Variants in ADCY9 observed in about 807,000 individuals in gnomAD.
ADCY9 encodes the protein adenylate cyclase type 9.
ADCY9 carries 50 observed loss-of-function variants against 101.5 expected under a neutral mutation model. The ratio of observed to expected loss-of-function variants is 0.49; its 90% CI spans 0.39 to 0.62. ADCY9 has a LOEUF of 0.62. Ranked by LOEUF, ADCY9 falls within the 20% of genes least tolerant of loss-of-function variation. The pLI is 0.00. For missense variants in ADCY9, 1,662 were observed against 1,800.4 expected (o/e 0.92, Z 1.39); for synonymous variants, 905 against 769.3 (o/e 1.18, Z -2.92).
rs575327032 is a variant in ADCY9, at chr16:4,052,172, T to C, written c.1694-44614A>G. On this transcript the variant is annotated intron_variant, in intron 2 of 10. Transcript: ENST00000294016. Reference sequence around the variant, plus strand: ...ACCGAGGGACATTCTACAAAGTAACTGGCCTGTTCTCTTAAAAAAATGTCA... The same window carrying C: ...ACCGAGGGACATTCTACAAAGTAACCGGCCTGTTCTCTTAAAAAAATGTCA... Among the ~76,000 whole-genome samples the C allele has an allele frequency of 2.0e-5, 3 of 152,264 alleles. No homozygotes were observed. In the South Asian group the frequency reaches 6.2e-4, roughly 32 times the overall value.
chr16:4,115,508 T>G lies in ADCY9; in HGVS notation c.-43-23A>C. The G allele has an allele frequency of 6.8e-7, 1 of 1,460,646 alleles. No homozygotes were observed. The highest frequency in any genetic ancestry group is 9.0e-7 in the Non-Finnish European group (1 of 1,107,946). 90.5% of individuals were successfully genotyped at this position (1,460,646 alleles called of 1,614,324 possible). ...TACCTGCCAGCAAAACGGGGAGAGTTAGCGGCGCTCCCACCTAGGCATGCA... is the reference window on the plus strand; with the variant it reads ...TACCTGCCAGCAAAACGGGGAGAGTGAGCGGCGCTCCCACCTAGGCATGCA... On this transcript the variant is annotated intron_variant, in intron 1 of 10. Transcript: ENST00000294016. This position sits in a 1 kb window ranked among gnomAD's most constrained non-coding sequence, Gnocchi z 6.2.
At chr16:4,096,364 A>C (rs555878320) in intron 2 of ADCY9, among the ~76,000 whole-genome samples, 1 of 152,368 alleles carries the variant, frequency 6.6e-6, no homozygotes, top group South Asian at 2.1e-4. Flanking sequence ...ACCAATATGA[A>C]AAAAGCAGAA....
intron 2 of ADCY9, among the ~76,000 whole-genome samples, chr16:4,076,534 C>T (rs2056868300): frequency 6.6e-6 from 1 of 152,206 alleles, no homozygotes; most frequent in Non-Finnish European, 1.5e-5. Context: ...GCTCTCACCT[C>T]TAAGGTCTAA....
At chr16:3,968,110 T>C (rs542595038) in intron 10 of ADCY9, among the ~76,000 whole-genome samples, 1 of 152,294 alleles carries the variant, frequency 6.6e-6, no homozygotes. Context: ...ATCATCATCA[T>C]ACCCAAGAAA....
rs1010351972 is a variant in ADCY9, at chr16:4,115,571, C to T, written c.-43-86G>A. ...CGGGACCTGCTCCTGTCCTAAGGGG[C>T]GGCTCCAGCACGCGACCTGGACAGG... On this transcript the variant is annotated intron_variant, in intron 1 of 10. Coordinates refer to ENST00000294016, the MANE Select transcript of ADCY9 (RefSeq NM_001116.4). The surrounding 1 kb of genome is among the most constrained non-coding windows in gnomAD (Gnocchi z 6.2). 8.4e-6 allele frequency: 10 copies of T among 1,195,834 alleles called. No homozygotes were observed. In the Admixed American group the frequency reaches 2.6e-4, roughly 31 times the overall value. 74.1% of individuals were successfully genotyped at this position (1,195,834 alleles called of 1,614,324 possible).
chr16:4,086,229 G>A lies in ADCY9; in HGVS notation c.1693+27521C>T, dbSNP rs1431631017. Reference sequence around the variant, plus strand: ...GGGAGGTCACATCTATCGAGGGGGAGGAGGGCAACACAGGAGGAGAAGAGA... The same window carrying A: ...GGGAGGTCACATCTATCGAGGGGGAAGAGGGCAACACAGGAGGAGAAGAGA... On this transcript the variant is annotated intron_variant, in intron 2 of 10. Coordinates refer to ENST00000294016, the MANE Select transcript of ADCY9 (RefSeq NM_001116.4). Among the ~76,000 whole-genome samples the A allele has an allele frequency of 2.6e-5, 4 of 152,060 alleles. No homozygotes were observed. The South Asian group carries it at 6.2e-4, about 24-fold the overall frequency.
intron 2 of ADCY9, among the ~76,000 whole-genome samples, chr16:4,026,163 G>A (rs1318925609): frequency 1.3e-5 from 2 of 152,158 alleles, no homozygotes; most frequent in African/African-American, 2.4e-5. Context: ...GGTGGATCAC[G>A]CCTATAATCC....
chr16:4,058,959 G>C (rs2056757805), intron 2 of ADCY9, among the ~76,000 whole-genome samples: 2 of 152,172 alleles, frequency 1.3e-5, no homozygotes, highest in South Asian at 4.1e-4. Context: ...GATGATTAAA[G>C]CTTGGAAAGC....
chr16:4,015,886 C>G (rs71388555), intron 2 of ADCY9, among the ~76,000 whole-genome samples: 1 of 151,628 alleles, frequency 6.6e-6, no homozygotes, highest in Non-Finnish European at 1.5e-5. Context: ...GAAAATCTCT[C>G]GAACCCGGGA....
intron 7 of ADCY9, chr16:3,981,629 G>A (rs1218457098): frequency 6.6e-6 from 1 of 152,100 alleles, no homozygotes; most frequent in Non-Finnish European, 1.5e-5. Context: ...AGTTTTGCTC[G>A]TCACCCAGAA....
At chr16:4,038,482 C>A (rs924989427) in intron 2 of ADCY9, among the ~76,000 whole-genome samples, 3 of 152,112 alleles carry the variant, frequency 2.0e-5, no homozygotes, top group African/African-American at 7.2e-5. Flanking sequence ...GCCAAGGCCT[C>A]GATCCTGGAC....
chr16:3,971,050 T>A (rs2601782), intron 10 of ADCY9, among the ~76,000 whole-genome samples: 1 of 151,926 alleles, frequency 6.6e-6, no homozygotes, highest in Non-Finnish European at 1.5e-5. Flanking sequence ...GCCTACACTG[T>A]CTAAATAAGG....
At chr16:4,000,278 C>A (rs953567902) in intron 3 of ADCY9, among the ~76,000 whole-genome samples, 1 of 152,216 alleles carries the variant, frequency 6.6e-6, no homozygotes, top group Non-Finnish European at 1.5e-5. Flanking sequence ...GACACTGAGA[C>A]AGAGCAAGCA....
chr16:4,066,649 T>G (rs1181535779), intron 2 of ADCY9, among the ~76,000 whole-genome samples: 1 of 152,194 alleles, frequency 6.6e-6, no homozygotes, highest in Non-Finnish European at 1.5e-5. Context: ...CCTCCCAAAG[T>G]GCTGGAATTA....
intron 2 of ADCY9, among the ~76,000 whole-genome samples, chr16:4,101,024 G>A (rs145802240): frequency 9.9e-4 from 151 of 152,318 alleles, no homozygotes; most frequent in Non-Finnish European, 1.8e-3. Context: ...CAGGTATTAT[G>A]TGCCAAGAAC....
chr16:4,017,894 T>C (rs2056448754), intron 2 of ADCY9, among the ~76,000 whole-genome samples: 2 of 152,222 alleles, frequency 1.3e-5, no homozygotes, highest in South Asian at 2.1e-4. Context: ...ATTGTCTTCT[T>C]CGAGCACAAA....
At chr16:4,073,398 C>T (rs1235095814) in intron 2 of ADCY9, among the ~76,000 whole-genome samples, 3 of 141,716 alleles carry the variant, frequency 2.1e-5, no homozygotes, top group Non-Finnish European at 4.6e-5. Context: ...TCTTTAAAAA[C>T]TTTTTTTTTT....
chr16:4,077,622 ATG>A (rs2141175447), intron 2 of ADCY9, among the ~76,000 whole-genome samples: 1 of 152,282 alleles, frequency 6.6e-6, no homozygotes, highest in African/African-American at 2.4e-5. Context: ...ATTTTTTAAA[ATG>A]AGATATAAAA....
At chr16:3,974,749 AAAG>A (rs758722315) in intron 9 of ADCY9, 39 bp from the exon 10 acceptor site, 5 of 1,558,628 alleles carry the variant, frequency 3.2e-6, no homozygotes, top group Non-Finnish European at 4.4e-6. Flanking sequence ...CATAAAGAGC[AAAG>A]AAGGCATTCC....
Sources: allele counts gnomAD v4.1 joint callset (sites outside exome capture counted in the v4.1 genomes callset), GRCh38; gene constraint gnomAD v4.1.1; non-coding constraint Gnocchi (gnomAD v3.1); transcripts MANE v1.5; gene names NCBI Gene and HGNC (gene_info 2026-07-23, HGNC 2026-07-21).